CTNND2: variants seen among roughly 807,000 people sequenced by gnomAD.
The protein encoded by CTNND2 is catenin delta 2, also known as catenin delta-2.
A neutral mutation model predicts 144.4 loss-of-function variants in CTNND2; 22 were observed. The ratio of observed to expected loss-of-function variants is 0.15; its 90% CI spans 0.11 to 0.22. CTNND2 has a LOEUF of 0.22. CTNND2 is among the 10% of genes least tolerant of loss of function. CTNND2 has a pLI of 1.00. For synonymous variants in CTNND2, 751 were observed against 695.6 expected (o/e 1.08, Z -1.25); for missense variants, 1,353 against 1,618.8 (o/e 0.84, Z 2.82).
intron 9 of CTNND2, among the ~76,000 whole-genome samples, chr5:11,247,870 G>A (rs1314032501): frequency 6.6e-6 from 1 of 151,960 alleles, no homozygotes; most frequent in Non-Finnish European, 1.5e-5. Context: ...CTTTAAAACA[G>A]CATTTATTCA....
intron 15 of CTNND2, chr5:11,083,815 C>T (rs1236107199): frequency 3.8e-6 from 3 of 784,574 alleles, no homozygotes; most frequent in Non-Finnish European, 4.8e-6. Flanking sequence ...CCCACCCAGT[C>T]CCCCCACCAG....
At chr5:11,667,074 A>G (rs997154862) in intron 2 of CTNND2, among the ~76,000 whole-genome samples, 2 of 152,128 alleles carry the variant, frequency 1.3e-5, no homozygotes, top group Admixed American at 6.5e-5. Flanking sequence ...AGCTTCATCC[A>G]TATCCCTAAA....
intron 6 of CTNND2, among the ~76,000 whole-genome samples, chr5:11,389,948 TTGTCTTTA>T (rs1759487771): frequency 6.6e-6 from 1 of 152,248 alleles, no homozygotes; most frequent in Admixed American, 6.5e-5. Context: ...CAAATGAATT[TTGTCTTTA>T]GACTGGGGGG....
At chr5:11,249,174 T>C (rs1048662185) in intron 9 of CTNND2, among the ~76,000 whole-genome samples, 2 of 152,128 alleles carry the variant, frequency 1.3e-5, no homozygotes, top group African/African-American at 4.8e-5. Flanking sequence ...TCTTGTTTTA[T>C]GGGTTCATTT....
chr5:11,297,394 C>T (rs1053372543), intron 9 of CTNND2, among the ~76,000 whole-genome samples: 1 of 152,130 alleles, frequency 6.6e-6, no homozygotes, highest in Admixed American at 6.6e-5. Context: ...AAACGTATTA[C>T]CACAGACAGA....
intron 9 of CTNND2, among the ~76,000 whole-genome samples, chr5:11,321,032 T>A (rs984222417): frequency 9.2e-5 from 14 of 152,226 alleles, no homozygotes; most frequent in African/African-American, 3.4e-4. Context: ...TGTATGCATA[T>A]GACCTTTTTT....
chr5:11,804,014 T>C (rs2126893358), intron 1 of CTNND2, among the ~76,000 whole-genome samples: 1 of 152,358 alleles, frequency 6.6e-6, no homozygotes. Flanking sequence ...TGAGGACTCC[T>C]ATGAGTTCTG....
At chr5:11,109,719 G>A (rs1186111711) in intron 14 of CTNND2, among the ~76,000 whole-genome samples, 1 of 147,328 alleles carries the variant, frequency 6.8e-6, no homozygotes, top group Non-Finnish European at 1.5e-5. Context: ...GTGCCTTTAT[G>A]AACATTATTT....
intron 9 of CTNND2, among the ~76,000 whole-genome samples, chr5:11,267,267 C>G (rs566549643): frequency 6.6e-6 from 1 of 152,206 alleles, no homozygotes; most frequent in African/African-American, 2.4e-5. Flanking sequence ...GTGGAGCTAA[C>G]GGCTAATCCT....
intron 1 of CTNND2, among the ~76,000 whole-genome samples, chr5:11,874,879 T>C (rs1735441223): frequency 1.3e-5 from 2 of 152,186 alleles, no homozygotes; most frequent in African/African-American, 2.4e-5. Context: ...GTAAACACCA[T>C]CATTAATTTT....
chr5:11,030,484 A>G (rs1238087710), intron 16 of CTNND2, among the ~76,000 whole-genome samples: 6 of 151,762 alleles, frequency 4.0e-5, no homozygotes. Context: ...CTGTCTTTCA[A>G]CTTTGCTGAT....
intron 3 of CTNND2, among the ~76,000 whole-genome samples, chr5:11,526,146 C>T (rs1248525641): frequency 2.0e-5 from 3 of 152,200 alleles, no homozygotes; most frequent in Non-Finnish European, 4.4e-5. Flanking sequence ...AAGTGATCTA[C>T]TCGCCTCAGC....
chr5:11,077,551 T>C (rs1053354593), intron 16 of CTNND2, among the ~76,000 whole-genome samples: 3 of 152,008 alleles, frequency 2.0e-5, no homozygotes, highest in African/African-American at 7.2e-5. Context: ...CTAGGTGGGG[T>C]TGGAGAGGTC....
chr5:11,789,638 C>A (rs192366869), intron 1 of CTNND2, among the ~76,000 whole-genome samples: 1 of 152,008 alleles, frequency 6.6e-6, no homozygotes, highest in Admixed American at 6.6e-5. Flanking sequence ...TTCAGTTACT[C>A]CCTTGGGTTT....
At chr5:11,588,314 AG>A (rs1189193091) in intron 2 of CTNND2, among the ~76,000 whole-genome samples, 6 of 150,880 alleles carry the variant, frequency 4.0e-5, no homozygotes, top group African/African-American at 1.2e-4. Flanking sequence ...TGCGCATCGA[AG>A]GAAAAAAAAA....
chr5:11,406,486 T>G (rs969457744), intron 5 of CTNND2, among the ~76,000 whole-genome samples: 2 of 152,238 alleles, frequency 1.3e-5, no homozygotes, highest in East Asian at 3.8e-4. Context: ...TAAGACCTCT[T>G]CTGCATCTTT....
At chr5:11,889,837 T>C (rs182898620) in intron 1 of CTNND2, among the ~76,000 whole-genome samples, 115 of 152,330 alleles carry the variant, frequency 7.5e-4, no homozygotes, top group African/African-American at 2.6e-3. Flanking sequence ...ACTTTCTTCT[T>C]TATAAAGGAC....
intron 2 of CTNND2, among the ~76,000 whole-genome samples, chr5:11,576,270 A>G (rs933239630): frequency 2.6e-5 from 4 of 152,138 alleles, no homozygotes; most frequent in Admixed American, 2.6e-4. Context: ...TTCATGAAAA[A>G]TAACAAATGT....
At chr5:11,239,576 T>C (rs1187246465) in intron 9 of CTNND2, among the ~76,000 whole-genome samples, 2 of 152,222 alleles carry the variant, frequency 1.3e-5, no homozygotes, top group African/African-American at 4.8e-5. Flanking sequence ...GCACACGTGA[T>C]TGTGCTACTT....
Sources: gnomAD v4.1 joint callset for allele counts (sites outside exome capture counted in the v4.1 genomes callset) on GRCh38, gnomAD v4.1.1 for gene constraint, MANE v1.5 for transcripts, NCBI Gene and HGNC (gene_info 2026-07-23, HGNC 2026-07-21) for gene names.